Variants in PDHA2 observed in about 807,000 individuals in gnomAD.
PDHA2 encodes pyruvate dehydrogenase E1 subunit alpha 2, also known as pyruvate dehydrogenase E1 component subunit alpha, testis-specific form, mitochondrial.
For synonymous variants in PDHA2, 188 were observed against 185.9 expected, an observed-to-expected ratio of 1.01 and a Z score of -0.09; for missense variants, 533 against 495.8, an observed-to-expected ratio of 1.07 and a Z score of -0.71.
At position 95,841,106 on chromosome 4, in the gene PDHA2, A is replaced by G. The variant is rs1578313773; in HGVS notation, c.956A>G (p.Gln319Arg). The G allele has an allele frequency of 6.2e-7, 1 of 1,614,154 alleles. No individual in the cohort carries two copies. Among genetic ancestry groups the G allele is most frequent in the Non-Finnish European group, 8.5e-7 (1 of 1,179,988 alleles). ...RSKRDPIIIL[Q>R]DRMVNSKLAT... ...AAGAGGGATCCTATAATAATTCTCC[A>G]AGATAGAATGGTAAACAGCAAGCTC... The change falls in exon 1 of 1, where the codon CAA (glutamine) becomes CGA (arginine). Residue 319 changes from glutamine (Q) to arginine (R), a missense_variant. Gln to Arg is a conservative substitution (Grantham distance 43, BLOSUM62 1). Transcript: ENST00000295266.
At position 95,841,353 on chromosome 4, in the gene PDHA2, A is replaced by C; in HGVS notation, c.*36A>C. 6.6e-7 allele frequency: 1 copy of C among 1,511,416 alleles called. No homozygotes were observed. The highest frequency in any genetic ancestry group is 9.2e-7 in the Non-Finnish European group (1 of 1,088,662). The allele number at this position is 1,511,416 out of a possible 1,614,324, so 93.6% of individuals were successfully genotyped here. On this transcript the variant is annotated 3_prime_UTR_variant, in exon 1 of 1. Coordinates refer to ENST00000295266, the MANE Select transcript of PDHA2 (RefSeq NM_005390.5). ...CGTGTGAATTTATCATCAGTCTCTC[A>C]ATGGAATGTTCATGGTCAAATTTAA...
Position 95,840,438 on chromosome 4 carries a change from A to C in PDHA2, c.288A>C (p.Glu96Asp). 1 of 1,614,196 alleles carries C rather than the reference A, an allele frequency of 6.2e-7. No homozygotes were observed. The highest frequency in any genetic ancestry group is 8.5e-7 in the Non-Finnish European group (1 of 1,180,044). The change falls in exon 1 of 1, where the codon GAA becomes GAC. Residue 96 changes from glutamate to aspartate, a missense_variant. By Grantham distance (45) the Glu-to-Asp change is conservative. Coordinates refer to ENST00000295266, the MANE Select transcript of PDHA2 (RefSeq NM_005390.5). The part of the protein sequence containing the change: ...RGFCHLCDGQ[E>D]ACCVGLEAGI... ...TCTGTCACCTGTGCGATGGTCAGGA[A>C]GCTTGTTGCGTGGGCCTTGAGGCCG...
Position 95,840,681 on chromosome 4 carries a change from G to A in PDHA2, c.531G>A (p.Leu177=). The part of the protein sequence containing the change: ...AQGPLGAGIA[L]ACKYKGNDEI... ...GCCCCCTGGGCGCTGGCATTGCTCT[G>A]GCCTGTAAATATAAAGGAAACGATG... Residue 177 remains leucine (L), a synonymous_variant, in exon 1 of 1, where the codon CTG becomes CTA. Transcript: ENST00000295266. 6.2e-7 allele frequency: 1 copy of A among 1,614,160 alleles called. No homozygotes were observed. Among genetic ancestry groups the A allele is most frequent in the Non-Finnish European group, 8.5e-7 (1 of 1,180,026 alleles).
In PDHA2 at chr4:95,840,827, G is replaced by T. The variant is rs1308706434; in HGVS notation, c.677G>T (p.Gly226Val). The change falls in exon 1 of 1, where the codon GGA becomes GTA. Residue 226 changes from glycine to valine, a missense_variant. Physicochemically the swap from Gly to Val is moderately radical, Grantham distance 109 (BLOSUM62 -3). Coordinates refer to ENST00000295266, the MANE Select transcript of PDHA2 (RefSeq NM_005390.5). ...TTCATCTGTGAGAATAACCTATATG[G>T]AATGGGAACATCTACTGAGAGAGCA... ...CVFICENNLY[G>V]MGTSTERAAA... is the part of the protein sequence containing the mutation. 6.2e-7 allele frequency: 1 copy of T among 1,614,096 alleles called. No individual in the cohort carries two copies. The highest frequency in any genetic ancestry group is 1.3e-5 in the African/African-American group (1 of 75,034).
At position 95,840,616 on chromosome 4, in the gene PDHA2, A is replaced by G. The variant is rs139550459; in HGVS notation, c.466A>G (p.Lys156Glu). 454 of 1,614,194 alleles carry G rather than the reference A, an allele frequency of 2.8e-4. No individual in the cohort carries two copies. The highest frequency in any genetic ancestry group is 2.5e-5 in the Non-Finnish European group (30 of 1,180,038). The change falls in exon 1 of 1, where the codon AAG (lysine) becomes GAG (glutamate). Residue 156 changes from lysine to glutamate, a missense_variant. Transcript: ENST00000295266. Reference sequence around the variant, plus strand: ...AGGAGGATCGATGCATATGTATACCAAGAACTTCTATGGGGGCAATGGCAT... The same window carrying G: ...AGGAGGATCGATGCATATGTATACCGAGAACTTCTATGGGGGCAATGGCAT... The part of the protein sequence containing the change: ...GKGGSMHMYT[K>E]NFYGGNGIVG...
Position 95,840,881 on chromosome 4 carries a change from G to A in PDHA2, c.731G>A (p.Gly244Asp). ...GCCAGCCCTGATTACTACAAGAGGG[G>A]CAATTTTATCCCTGGGCTAAAGGTC... is the stretch of plus-strand genomic sequence containing the variant. The part of the protein sequence containing the change: ...AAASPDYYKR[G>D]NFIPGLKVDG... The change falls in exon 1 of 1, where the codon GGC (glycine) becomes GAC (aspartate). Residue 244 changes from glycine to aspartate, a missense_variant. Physicochemically the swap from Gly to Asp is moderately conservative, Grantham distance 94. Transcript: ENST00000295266. 6.2e-7 allele frequency: 1 copy of A among 1,614,082 alleles called. No individual in the cohort carries two copies. Among genetic ancestry groups the A allele is most frequent in the Non-Finnish European group, 8.5e-7 (1 of 1,180,012 alleles).
rs1489887238 is a variant in PDHA2, at chr4:95,841,054, CGA to C, written c.907_908del (p.Glu303ArgfsTer8). On this transcript the variant is annotated frameshift_variant, in exon 1 of 1. Coordinates refer to ENST00000295266, the MANE Select transcript of PDHA2 (RefSeq NM_005390.5). LOFTEE classifies it low-confidence loss of function (END_TRUNC). ...TGATCCTGGAGTCAGTTATCGTACA[CGA>C]GAAGAAATTCAGGAAGTAAGAAGTA... ...MSDPGVSYRT[R>X]EEIQEVRSKR... 2 of 1,613,836 alleles carry C rather than the reference CGA, an allele frequency of 1.2e-6. No individual in the cohort carries two copies. The highest frequency in any genetic ancestry group is 4.5e-5 in the East Asian group (2 of 44,888).
rs757127932 is a variant in PDHA2 at position 95,840,681 on chromosome 4, G to C, written c.531G>C (p.Leu177=). 13 of 1,614,040 alleles carry C rather than the reference G, an allele frequency of 8.1e-6. No homozygotes were observed. Among genetic ancestry groups the C allele is most frequent in the Non-Finnish European group, 1.1e-5 (13 of 1,180,034 alleles). Reference sequence around the variant, plus strand: ...GCCCCCTGGGCGCTGGCATTGCTCTGGCCTGTAAATATAAAGGAAACGATG... The same window carrying C: ...GCCCCCTGGGCGCTGGCATTGCTCTCGCCTGTAAATATAAAGGAAACGATG... ...AQGPLGAGIA[L]ACKYKGNDEI... is the part of the protein sequence containing the mutation. The change falls in exon 1 of 1, where the codon CTG becomes CTC. Residue 177 remains leucine (L), a synonymous_variant. Coordinates refer to ENST00000295266, the MANE Select transcript of PDHA2 (RefSeq NM_005390.5).
chr4:95,841,283 C>T lies in PDHA2; in HGVS notation c.1133C>T (p.Ala378Val). 2 of 1,614,048 alleles carry T rather than the reference C, an allele frequency of 1.2e-6. No individual in the cohort carries two copies. Among genetic ancestry groups the T allele is most frequent in the Non-Finnish European group, 1.7e-6 (2 of 1,179,982 alleles). The change falls in exon 1 of 1, where the codon GCA (alanine) becomes GTA (valine). Residue 378 changes from alanine (A) to valine (V), a missense_variant. By Grantham distance (64) the Ala-to-Val change is moderately conservative. Coordinates refer to ENST00000295266, the MANE Select transcript of PDHA2 (RefSeq NM_005390.5). ...GATTCATCTTTTGAAGTTCGTGGTG[C>T]AAATCCATGGATCAAGTTTAAGTCC... ...SSDSSFEVRGANPWIKFKSVS is the reference protein window; with the variant it reads ...SSDSSFEVRGVNPWIKFKSVS
Position 95,840,118 on chromosome 4 carries a change from C to A in PDHA2, c.-33C>A. 1 of 1,547,802 alleles carries A rather than the reference C, an allele frequency of 6.5e-7. No individual in the cohort carries two copies. The highest frequency in any genetic ancestry group is 1.3e-5 in the South Asian group (1 of 79,848). Reference sequence around the variant, plus strand: ...AGGCCTTCCGGCGGTCGTTACGGGACGCCGCTGCCATCTACAGCACTCCGT... The same window carrying A: ...AGGCCTTCCGGCGGTCGTTACGGGAAGCCGCTGCCATCTACAGCACTCCGT... On this transcript the variant is annotated 5_prime_UTR_variant, in exon 1 of 1. Transcript: ENST00000295266.
chr4:95,841,173 G>T lies in PDHA2; in HGVS notation c.1023G>T (p.Arg341Ser), dbSNP rs866186803. Residue 341 changes from arginine to serine, a missense_variant, in exon 1 of 1, where the codon AGG becomes AGT. Physicochemically the swap from Arg to Ser is moderately radical, Grantham distance 110. Coordinates refer to ENST00000295266, the MANE Select transcript of PDHA2 (RefSeq NM_005390.5). ...EELKEIGAEV[R>S]KEIDDAAQFA... ...TAAAGGAAATTGGGGCTGAGGTGAG[G>T]AAAGAAATTGATGATGCTGCCCAGT... The T allele has an allele frequency of 1.2e-6, 2 of 1,614,194 alleles. No individual in the cohort carries two copies. The highest frequency in any genetic ancestry group is 1.3e-5 in the African/African-American group (1 of 75,044).
At position 95,840,735 on chromosome 4, in the gene PDHA2, C is replaced by T. The variant is rs550687466; in HGVS notation, c.585C>T (p.Gly195=). Residue 195 remains glycine, a synonymous_variant, in exon 1 of 1, where the codon GGC becomes GGT. Coordinates refer to ENST00000295266, the MANE Select transcript of PDHA2 (RefSeq NM_005390.5). ...DEICLTLYGD[G]AANQGQIAEA... Reference sequence around the variant, plus strand: ...TCTGTTTGACTTTATATGGGGATGGCGCTGCGAATCAGGGGCAGATAGCCG... The same window carrying T: ...TCTGTTTGACTTTATATGGGGATGGTGCTGCGAATCAGGGGCAGATAGCCG... 5.0e-6 allele frequency: 8 copies of T among 1,614,080 alleles called. No homozygotes were observed. Among genetic ancestry groups the T allele is most frequent in the East Asian group, 2.2e-5 (1 of 44,868 alleles).
chr4:95,841,014 T>G lies in PDHA2; in HGVS notation c.864T>G (p.His288Gln), dbSNP rs1179810535. 2 of 1,614,016 alleles carry G rather than the reference T, an allele frequency of 1.2e-6. No individual in the cohort carries two copies. Among genetic ancestry groups the G allele is most frequent in the Non-Finnish European group, 1.7e-6 (2 of 1,180,038 alleles). ...TGGAGCTGCAAACCTACCGTTATCA[T>G]GGACACAGTATGAGTGATCCTGGAG... ...ILMELQTYRY[H>Q]GHSMSDPGVS... Residue 288 changes from histidine to glutamine, a missense_variant, in exon 1 of 1, where the codon CAT becomes CAG. His to Gln is a conservative substitution (Grantham distance 24, BLOSUM62 0). Coordinates refer to ENST00000295266, the MANE Select transcript of PDHA2 (RefSeq NM_005390.5).
Position 95,840,463 on chromosome 4 carries a change from G to A in PDHA2, c.313G>A (p.Gly105Ser), listed in dbSNP as rs781703541. 51 of 1,614,180 alleles carry A rather than the reference G, an allele frequency of 3.2e-5. No homozygotes were observed. The South Asian group carries it at 3.6e-4, about 11-fold the overall frequency. Reference sequence around the variant, plus strand: ...AGCTTGTTGCGTGGGCCTTGAGGCCGGCATAAACCCCTCGGATCACGTCAT... The same window carrying A: ...AGCTTGTTGCGTGGGCCTTGAGGCCAGCATAAACCCCTCGGATCACGTCAT... ...QEACCVGLEA[G>S]INPSDHVITS... is the part of the protein sequence containing the mutation. The change falls in exon 1 of 1, where the codon GGC becomes AGC. Residue 105 changes from glycine (G) to serine (S), a missense_variant. Coordinates refer to ENST00000295266, the MANE Select transcript of PDHA2 (RefSeq NM_005390.5).
chr4:95,841,206 C>T lies in PDHA2; in HGVS notation c.1056C>T (p.Thr352=). The T allele has an allele frequency of 2.5e-6, 4 of 1,614,144 alleles. No individual in the cohort carries two copies. The highest frequency in any genetic ancestry group is 2.2e-5 in the East Asian group (1 of 44,872). The change falls in exon 1 of 1, where the codon ACC becomes ACT. Residue 352 remains threonine, a synonymous_variant. Coordinates refer to ENST00000295266, the MANE Select transcript of PDHA2 (RefSeq NM_005390.5). ...KEIDDAAQFA[T]TDPEPHLEEL... The stretch of plus-strand genomic sequence containing the variant: ...TTGATGATGCTGCCCAGTTTGCTAC[C>T]ACTGATCCTGAGCCACATTTGGAAG...
At position 95,840,353 on chromosome 4, in the gene PDHA2, C is replaced by T. The variant is rs765997503; in HGVS notation, c.203C>T (p.Thr68Ile). The change falls in exon 1 of 1, where the codon ACT (threonine) becomes ATT (isoleucine). Residue 68 changes from threonine (T) to isoleucine (I), a missense_variant. By Grantham distance (89) the Thr-to-Ile change is moderately conservative. Coordinates refer to ENST00000295266, the MANE Select transcript of PDHA2 (RefSeq NM_005390.5). ...EGLKYYRMML[T>I]VRRMELKADQ... is the part of the protein sequence containing the mutation. ...CTTAAATACTACAGGATGATGCTGA[C>T]TGTTCGCCGCATGGAATTGAAGGCA... The T allele has an allele frequency of 1.2e-5, 20 of 1,614,146 alleles. No individual in the cohort carries two copies. In the Admixed American group the frequency reaches 3.3e-4, roughly 27 times the overall value.
Position 95,840,367 on chromosome 4 carries a change from G to A in PDHA2, c.217G>A (p.Glu73Lys), listed in dbSNP as rs1560568273. The A allele has an allele frequency of 6.2e-7, 1 of 1,614,252 alleles. No homozygotes were observed. The highest frequency in any genetic ancestry group is 8.5e-7 in the Non-Finnish European group (1 of 1,180,054). ...YRMMLTVRRM[E>K]LKADQLYKQK... is the part of the protein sequence containing the mutation. ...GATGATGCTGACTGTTCGCCGCATG[G>A]AATTGAAGGCAGATCAGCTGTACAA... The change falls in exon 1 of 1, where the codon GAA becomes AAA. Residue 73 changes from glutamate (E) to lysine (K), a missense_variant. Transcript: ENST00000295266.
Position 95,841,016 on chromosome 4 carries a change from G to C in PDHA2, c.866G>C (p.Gly289Ala), listed in dbSNP as rs138794638. The change falls in exon 1 of 1, where the codon GGA (glycine) becomes GCA (alanine). Residue 289 changes from glycine (G) to alanine (A), a missense_variant. By Grantham distance (60) the Gly-to-Ala change is moderately conservative. Coordinates refer to ENST00000295266, the MANE Select transcript of PDHA2 (RefSeq NM_005390.5). ...LMELQTYRYH[G>A]HSMSDPGVSY... ...GAGCTGCAAACCTACCGTTATCATG[G>C]ACACAGTATGAGTGATCCTGGAGTC... is the stretch of plus-strand genomic sequence containing the variant. The C allele has an allele frequency of 6.6e-4, 1,071 of 1,614,096 alleles. 2 individuals carry two copies. Among genetic ancestry groups the C allele is most frequent in the Non-Finnish European group, 8.2e-4 (970 of 1,180,022 alleles).
In PDHA2 at chr4:95,840,550, G is replaced by C; in HGVS notation, c.400G>C (p.Ala134Pro). 1 of 1,614,158 alleles carries C rather than the reference G, an allele frequency of 6.2e-7. No homozygotes were observed. Among genetic ancestry groups the C allele is most frequent in the African/African-American group, 1.3e-5 (1 of 75,044 alleles). Residue 134 changes from alanine to proline, a missense_variant, in exon 1 of 1, where the codon GCA (alanine) becomes CCA (proline). Physicochemically the swap from Ala to Pro is conservative, Grantham distance 27. Transcript: ENST00000295266. Reference sequence around the variant, plus strand: ...GGGACTTTCTGTCCGATCCATTCTCGCAGAGCTGACGGGAAGAAGAGGAGG... The same window carrying C: ...GGGACTTTCTGTCCGATCCATTCTCCCAGAGCTGACGGGAAGAAGAGGAGG... ...TRGLSVRSILAELTGRRGGCA... is the reference protein window; with the variant it reads ...TRGLSVRSILPELTGRRGGCA...
Sources: gnomAD v4.1 joint callset for allele counts on GRCh38, gnomAD v4.1.1 for gene constraint, MANE v1.5 for transcripts, NCBI Gene and HGNC (gene_info 2026-07-23, HGNC 2026-07-21) for gene names.